SH3GL3: variants seen among roughly 807,000 people sequenced by gnomAD.
SH3GL3 encodes the protein SH3 domain containing GRB2 like 3, endophilin A3.
Under a neutral mutation model 47.7 loss-of-function variants are expected in SH3GL3, and 33 were observed. That is an observed-to-expected ratio of 0.69 (90% CI 0.52 to 0.92). The LOEUF (loss-of-function observed/expected upper bound fraction) is 0.92, where lower values mean the gene tolerates loss of function less well. Among genes scored for constraint, SH3GL3 ranks in the 40% least tolerant of loss-of-function variants. The pLI is 0.00. For synonymous variants in SH3GL3, 155 were observed against 148.8 expected, an observed-to-expected ratio of 1.04 and a Z score of -0.30; for missense variants, 363 against 417.8, an observed-to-expected ratio of 0.87 and a Z score of 1.14.
intron 4 of SH3GL3, among the ~76,000 whole-genome samples, chr15:83,569,857 AT>A (rs887190768): frequency 2.3e-4 from 35 of 152,014 alleles, no homozygotes; most frequent in African/African-American, 7.7e-4. Flanking sequence ...CAGGAGGTCC[AT>A]TTTTTCCCCC....
chr15:83,538,222 T>G (rs2151694420), intron 1 of SH3GL3, among the ~76,000 whole-genome samples: 1 of 152,322 alleles, frequency 6.6e-6, no homozygotes, highest in Non-Finnish European at 1.5e-5. Flanking sequence ...GAACATTATT[T>G]CTACTATTCA....
chr15:83,591,921 C>T (rs2060115498), intron 8 of SH3GL3, among the ~76,000 whole-genome samples: 1 of 151,716 alleles, frequency 6.6e-6, no homozygotes, highest in Admixed American at 6.6e-5. Context: ...GATCCGCCCG[C>T]CTTGGCCTCC....
At chr15:83,501,821 G>A (rs1330791747) in intron 1 of SH3GL3, among the ~76,000 whole-genome samples, 2 of 152,072 alleles carry the variant, frequency 1.3e-5, no homozygotes, top group African/African-American at 2.4e-5. Flanking sequence ...AACCCGGGAA[G>A]CTGAGGTTGC....
intron 1 of SH3GL3, among the ~76,000 whole-genome samples, chr15:83,547,736 C>T (rs951551493): frequency 6.8e-6 from 1 of 147,356 alleles, no homozygotes; most frequent in Non-Finnish European, 1.5e-5. Context: ...ATGTTATTAC[C>T]TTTAGTGTGC....
chr15:83,588,160 G>C (rs1332637718), intron 7 of SH3GL3, among the ~76,000 whole-genome samples: 2 of 152,254 alleles, frequency 1.3e-5, no homozygotes, highest in South Asian at 2.1e-4. Flanking sequence ...TGTTGCCCAG[G>C]CTGGAGTGCA....
intron 2 of SH3GL3, among the ~76,000 whole-genome samples, chr15:83,559,717 G>T (rs1359620197): frequency 6.6e-6 from 1 of 152,096 alleles, no homozygotes; most frequent in East Asian, 1.9e-4. Flanking sequence ...GGAAGACTTG[G>T]GCTCTGCTCC....
At chr15:83,473,612 A>G (rs1395217460) in intron 1 of SH3GL3, among the ~76,000 whole-genome samples, 1 of 149,874 alleles carries the variant, frequency 6.7e-6, no homozygotes, top group Admixed American at 6.6e-5. Flanking sequence ...CAGTGGCACG[A>G]TCTTGGCTCA....
intron 1 of SH3GL3, among the ~76,000 whole-genome samples, chr15:83,517,798 T>A (rs2043047561): frequency 6.6e-6 from 1 of 152,138 alleles, no homozygotes; most frequent in African/African-American, 2.4e-5. Flanking sequence ...GTTTTTTATA[T>A]GTGTATATTG....
At chr15:83,496,780 C>T (rs1164370320) in intron 1 of SH3GL3, among the ~76,000 whole-genome samples, 1 of 152,130 alleles carries the variant, frequency 6.6e-6, no homozygotes, top group East Asian at 1.9e-4. Context: ...TGTGAGCTTT[C>T]AGTCATTAGC....
At chr15:83,475,521 T>C (rs544670289) in intron 1 of SH3GL3, among the ~76,000 whole-genome samples, 155 of 152,196 alleles carry the variant, frequency 1.0e-3, no homozygotes, top group African/African-American at 3.6e-3. Context: ...AAATAAAAAG[T>C]TAACTAGCAT....
At chr15:83,563,484 T>A (rs2045381540) in intron 2 of SH3GL3, among the ~76,000 whole-genome samples, 1 of 152,250 alleles carries the variant, frequency 6.6e-6, no homozygotes, top group South Asian at 2.1e-4. Flanking sequence ...GCATTCCTGT[T>A]GTGTGTTACT....
At chr15:83,525,525 A>G (rs1342456425) in intron 1 of SH3GL3, among the ~76,000 whole-genome samples, 2 of 152,034 alleles carry the variant, frequency 1.3e-5, no homozygotes, top group Non-Finnish European at 2.9e-5. Flanking sequence ...TTTTACTTTA[A>G]TATAGTTCTA....
At chr15:83,465,050 GA>G (rs767469631) in intron 1 of SH3GL3, among the ~76,000 whole-genome samples, 59 of 144,736 alleles carry the variant, frequency 4.1e-4, no homozygotes, top group African/African-American at 9.3e-4. Context: ...GCTCATGTGG[GA>G]AAAAAAAAAG....
At chr15:83,627,106 A>G in the SH3GL3 span, among the ~76,000 whole-genome samples, 2 of 152,120 alleles carry the variant, frequency 1.3e-5, no homozygotes, top group Non-Finnish European at 2.9e-5. Flanking sequence ...ATCAGATAAG[A>G]AGAAAAGGGG....
At chr15:83,591,779 G>A (rs1210970124) in intron 8 of SH3GL3, among the ~76,000 whole-genome samples, 1 of 152,138 alleles carries the variant, frequency 6.6e-6, no homozygotes, top group Admixed American at 6.5e-5. Flanking sequence ...TCCGCCTCCT[G>A]GGTTCAGGCC....
At chr15:83,591,131 C>T in intron 8 of SH3GL3, among the ~76,000 whole-genome samples, 1 of 152,144 alleles carries the variant, frequency 6.6e-6, no homozygotes, top group East Asian at 1.9e-4. Flanking sequence ...CCTCAGCCTC[C>T]TGAGTAGCTG....
chr15:83,587,380 C>T lies in SH3GL3; in HGVS notation c.728+294C>T, dbSNP rs148745527. On this transcript the variant is annotated intron_variant, in intron 7 of 8. Coordinates refer to ENST00000427482, the MANE Select transcript of SH3GL3 (RefSeq NM_003027.5). ...TAGGGCAACTAACCAAGTTGCTCTC[C>T]CACCTGGGACATCAACCCCTACAGA... 2.0e-5 allele frequency among the ~76,000 whole-genome samples: 3 copies of T among 152,104 alleles called. No homozygotes were observed. The East Asian group carries it at 5.8e-4, about 29-fold the overall frequency.
intron 8 of SH3GL3, among the ~76,000 whole-genome samples, chr15:83,616,812 A>G (rs1259234340): frequency 6.6e-6 from 1 of 152,166 alleles, no homozygotes; most frequent in Non-Finnish European, 1.5e-5. Context: ...AAGGAAGAAA[A>G]GAATGAAGGA....
chr15:83,623,454 G>C (rs1285202307), downstream of SH3GL3, among the ~76,000 whole-genome samples: 2 of 152,210 alleles, frequency 1.3e-5, no homozygotes, highest in Non-Finnish European at 2.9e-5. Flanking sequence ...CCTCCAGCAG[G>C]CTAGCCTGGG....
Sources: gnomAD v4.1 joint callset for allele counts (sites outside exome capture counted in the v4.1 genomes callset) on GRCh38, gnomAD v4.1.1 for gene constraint, MANE v1.5 for transcripts, NCBI Gene and HGNC (gene_info 2026-07-23, HGNC 2026-07-21) for gene names.